The following TPPP variants were observed in gnomAD, a reference collection of about 807,000 sequenced individuals.
TPPP encodes the protein tubulin polymerization promoting protein.
In TPPP, 6 loss-of-function variants were observed where a neutral mutation model predicts 15.5. That is an observed-to-expected ratio of 0.39 (90% CI 0.21 to 0.77). TPPP has a LOEUF of 0.77. Ranked by LOEUF, TPPP falls within the 30% of genes least tolerant of loss-of-function variation. The probability of loss-of-function intolerance (pLI) is 0.42; values close to 1 mark genes in which losing one functional copy is unlikely to be tolerated. For missense variants in TPPP, 269 were observed against 307.2 expected, an observed-to-expected ratio of 0.88 and a Z score of 0.93; for synonymous variants, 146 against 133.9, an observed-to-expected ratio of 1.09 and a Z score of -0.63.
At chr5:668,998 G>A (rs562163083) in intron 2 of TPPP, among the ~76,000 whole-genome samples, 98 of 152,338 alleles carry the variant, frequency 6.4e-4, no homozygotes, top group African/African-American at 2.1e-3. Context: ...CTTTACACGC[G>A]TGTCCTAAAG....
chr5:681,955 C>T (rs1740636482), intron 1 of TPPP, among the ~76,000 whole-genome samples: 1 of 152,018 alleles, frequency 6.6e-6, no homozygotes, highest in Admixed American at 6.5e-5. Context: ...GGCGGGGCTT[C>T]GTCCCAGACA....
upstream of TPPP, among the ~76,000 whole-genome samples, chr5:696,435 A>C (rs461014): frequency 1.1e-3 from 158 of 142,906 alleles, 1 homozygote; most frequent in African/African-American, 2.1e-3. Flanking sequence ...CTGGCAGCTG[A>C]ATGTCCTTTG....
rs1189836928 is a variant in TPPP, at chr5:692,839, C to T, written c.-5+439G>A. The T allele has an allele frequency of 1.8e-5, 17 of 941,366 alleles. No individual in the cohort carries two copies. In the African/African-American group the frequency reaches 3.0e-4, roughly 17 times the overall value. The allele number at this position is 941,366 out of a possible 1,614,324, so 58.3% of individuals were successfully genotyped here. On this transcript the variant is annotated intron_variant, in intron 1 of 3. Coordinates refer to ENST00000360578, the MANE Select transcript of TPPP (RefSeq NM_007030.3). Reference sequence around the variant, plus strand: ...CTGCGGGCAGTGACTTCATTCCAGCCCTCCACGCCCTAATTTCCCACGCCT... The same window carrying T: ...CTGCGGGCAGTGACTTCATTCCAGCTCTCCACGCCCTAATTTCCCACGCCT...
intron 3 of TPPP, 56 bp from the exon 4 acceptor site, chr5:665,352 C>T: frequency 6.5e-7 from 1 of 1,528,818 alleles, no homozygotes; most frequent in Non-Finnish European, 8.8e-7. Flanking sequence ...GTGAGGCCAG[C>T]AAGTGAAATG....
At chr5:691,626 C>CT (rs570416114) in intron 1 of TPPP, among the ~76,000 whole-genome samples, 3 of 30,304 alleles carry the variant, frequency 9.9e-5, no homozygotes, top group South Asian at 1.1e-3. Context: ...CCCCAAACCC[C>CT]ATCAAAACAG....
chr5:697,873 G>A (rs1466206372), upstream of TPPP, among the ~76,000 whole-genome samples: 3 of 143,634 alleles, frequency 2.1e-5, no homozygotes, highest in African/African-American at 7.8e-5. Flanking sequence ...CCAGACAAAG[G>A]CGCAACAAAA....
intron 1 of TPPP, among the ~76,000 whole-genome samples, chr5:685,280 A>T (rs6886251): frequency 1.3e-5 from 2 of 152,140 alleles, no homozygotes; most frequent in Admixed American, 6.5e-5. Context: ...GGGACCCTGA[A>T]GGCCAGAGCC....
upstream of TPPP, among the ~76,000 whole-genome samples, chr5:696,322 G>C (rs1366729543): frequency 8.2e-6 from 1 of 122,562 alleles, no homozygotes; most frequent in Non-Finnish European, 1.8e-5. Context: ...GGACTCACGC[G>C]GACAGCAGCA....
chr5:673,754 T>C (rs1449198000), intron 2 of TPPP, among the ~76,000 whole-genome samples: 1 of 152,112 alleles, frequency 6.6e-6, no homozygotes, highest in Non-Finnish European at 1.5e-5. Flanking sequence ...GGGGCCAAGC[T>C]TTAGCCCCCC....
chr5:670,294 G>A (rs1016867240), intron 2 of TPPP, among the ~76,000 whole-genome samples: 5 of 152,196 alleles, frequency 3.3e-5, no homozygotes, highest in African/African-American at 4.8e-5. Context: ...AGGGGCGGGG[G>A]CCGGCGGGCG....
At chr5:675,442 CAGTGTGGCT>C in intron 2 of TPPP, among the ~76,000 whole-genome samples, 5 of 43,410 alleles carry the variant, frequency 1.2e-4, no homozygotes, top group African/African-American at 1.3e-4. Context: ...ACGGTGGGTG[CAGTGTGGCT>C]GGGGTGCAGC....
intron 2 of TPPP, among the ~76,000 whole-genome samples, chr5:670,825 T>C (rs1740195122): frequency 6.6e-6 from 1 of 152,178 alleles, no homozygotes. Context: ...CTCCAGGCCC[T>C]GCCTATTCTC....
At chr5:666,154 C>T (rs757201974) in intron 2 of TPPP, 31 bp from the exon 3 acceptor site, 33 of 1,539,198 alleles carry the variant, frequency 2.1e-5, no homozygotes, top group Admixed American at 5.7e-5. Context: ...TAGGGCTGGG[C>T]GCGGGCCGGC....
At chr5:665,811 C>T (rs1739877413) in intron 3 of TPPP, 159 bp downstream of exon 3, 2 of 854,342 alleles carry the variant, frequency 2.3e-6, no homozygotes, top group Non-Finnish European at 3.5e-6. Context: ...TCAGACCCCA[C>T]ACCAGGCCAC....
At chr5:687,259 A>G (rs967849555) in intron 1 of TPPP, among the ~76,000 whole-genome samples, 1 of 140,074 alleles carries the variant, frequency 7.1e-6, no homozygotes, top group Non-Finnish European at 1.6e-5. Flanking sequence ...TTAACCCCGG[A>G]CTGTGTCAAT....
rs776495804 is a variant in TPPP at position 665,210 on chromosome 5, G to A, written c.552C>T (p.Gly184=). ...GSHKERFDPS[G]KGKGKAGRVD... is the part of the protein sequence containing the mutation. ...CGCGGCCAGCCTTGCCCTTGCCCTT[G>A]CCAGAGGGGTCGAAGCGCTCCTTGT... The change falls in exon 4 of 4, where the codon GGC becomes GGT. Residue 184 remains glycine (G), a synonymous_variant. Coordinates refer to ENST00000360578, the MANE Select transcript of TPPP (RefSeq NM_007030.3). 1.2e-6 allele frequency: 2 copies of A among 1,613,890 alleles called. No homozygotes were observed. The highest frequency in any genetic ancestry group is 2.2e-5 in the East Asian group (1 of 44,870).
chr5:674,828 A>G (rs1199891486), intron 2 of TPPP, among the ~76,000 whole-genome samples: 1 of 151,628 alleles, frequency 6.6e-6, no homozygotes, highest in Non-Finnish European at 1.5e-5. Context: ...GGCTGACATA[A>G]GCCCTGTGGA....
At chr5:666,547 C>T (rs1739923350) in intron 2 of TPPP, among the ~76,000 whole-genome samples, 1 of 152,210 alleles carries the variant, frequency 6.6e-6, no homozygotes, top group Non-Finnish European at 1.5e-5. Context: ...CACACAGGAA[C>T]ATGGTTAGGA....
chr5:667,753 C>T (rs1196161634), intron 2 of TPPP, among the ~76,000 whole-genome samples: 6 of 150,716 alleles, frequency 4.0e-5, no homozygotes, highest in Non-Finnish European at 8.8e-5. Flanking sequence ...GCAGACACCA[C>T]CAGAGAAGAC....
Sources: gnomAD v4.1 joint callset for allele counts (sites outside exome capture counted in the v4.1 genomes callset) on GRCh38, gnomAD v4.1.1 for gene constraint, MANE v1.5 for transcripts, NCBI Gene and HGNC (gene_info 2026-07-23, HGNC 2026-07-21) for gene names.